Variants in TTC3 observed in about 807,000 individuals in gnomAD.
TTC3 encodes E3 ubiquitin-protein ligase TTC3.
Under a neutral mutation model 249.6 loss-of-function variants are expected in TTC3, and 180 were observed. The ratio of observed to expected loss-of-function variants is 0.72; its 90% CI spans 0.64 to 0.82. The LOEUF (loss-of-function observed/expected upper bound fraction) is 0.82, where lower values mean the gene tolerates loss of function less well. TTC3 is among the 40% of genes least tolerant of loss of function. The probability of loss-of-function intolerance (pLI) is 0.00; values close to 1 mark genes in which losing one functional copy is unlikely to be tolerated. For synonymous variants in TTC3, 717 were observed against 805.0 expected (o/e 0.89, Z 1.85); for missense variants, 2,061 against 2,398.4 (o/e 0.86, Z 2.94).
intron 35 of TTC3, among the ~76,000 whole-genome samples, chr21:37,179,108 TA>T (rs1285221834): frequency 2.0e-5 from 3 of 152,052 alleles, no homozygotes; most frequent in East Asian, 3.9e-4. Flanking sequence ...CCTCACTCGC[TA>T]CAAAAAAATT....
chr21:37,133,910 C>T (rs1305362099), intron 17 of TTC3, among the ~76,000 whole-genome samples: 2 of 151,958 alleles, frequency 1.3e-5, no homozygotes, highest in African/African-American at 2.4e-5. Flanking sequence ...TTTTAAGCCT[C>T]TCACTAGTTT....
intron 12 of TTC3, among the ~76,000 whole-genome samples, chr21:37,122,439 AT>A (rs1568979215): frequency 4.7e-4 from 11 of 23,300 alleles, no homozygotes; most frequent in African/African-American, 1.8e-3. Flanking sequence ...TATATATATT[AT>A]ATATATATAT....
In TTC3 at chr21:37,160,788, C is replaced by A. The variant is rs759631758; in HGVS notation, c.3040-14C>A. 2 of 1,610,898 alleles carry A rather than the reference C, an allele frequency of 1.2e-6. No individual in the cohort carries two copies. The highest frequency in any genetic ancestry group is 1.7e-6 in the Non-Finnish European group (2 of 1,178,832). ...TTATTTGAGTGTTCACTGATTTTTC[C>A]CCCCATTTTTTAGTTTAGTTCAACC... On this transcript the variant is annotated splice_polypyrimidine_tract_variant and intron_variant, in intron 29 of 45. Coordinates refer to ENST00000355666, the Ensembl canonical transcript of TTC3.
Position 37,088,037 on chromosome 21 carries a change from T to C in TTC3, c.188-159T>C. The C allele has an allele frequency of 5.3e-6, 5 of 950,076 alleles. No individual in the cohort carries two copies. The South Asian group carries it at 9.6e-5, about 18-fold the overall frequency. The allele number at this position is 950,076 out of a possible 1,614,324, so 58.9% of individuals were successfully genotyped here. A position where few individuals can be genotyped will look rare whatever the true frequency, so the allele number is the denominator to read the frequency against. Reference sequence around the variant, plus strand: ...ACTTTTCTTTGTTAAAATAGAGTTTTTGCCAGCACTTAAATATTCTTAACA... The same window carrying C: ...ACTTTTCTTTGTTAAAATAGAGTTTCTGCCAGCACTTAAATATTCTTAACA... On this transcript the variant is annotated intron_variant, in intron 3 of 45. Coordinates refer to ENST00000355666, the Ensembl canonical transcript of TTC3.
At chr21:37,136,449 G>C (rs758930680) in intron 18 of TTC3, among the ~76,000 whole-genome samples, 13 of 152,186 alleles carry the variant, frequency 8.5e-5, no homozygotes, top group Admixed American at 8.5e-4. Context: ...CTTTCTTGCC[G>C]ATGCAGAGAG....
chr21:37,107,233 A>G (rs2075171405), intron 10 of TTC3, among the ~76,000 whole-genome samples: 1 of 152,224 alleles, frequency 6.6e-6, no homozygotes, highest in South Asian at 2.1e-4. Context: ...TCTACGTTGA[A>G]AAAAGAAGGT....
intron 29 of TTC3, 94 bp from the exon 30 acceptor site, chr21:37,160,708 A>G (rs1417955792): frequency 7.9e-7 from 1 of 1,263,080 alleles, no homozygotes; most frequent in Non-Finnish European, 1.1e-6. Context: ...CATTTAACTT[A>G]TGGCTAGTCT....
chr21:37,103,821 A>G (rs1024103240), intron 10 of TTC3, among the ~76,000 whole-genome samples: 1 of 152,132 alleles, frequency 6.6e-6, no homozygotes, highest in Non-Finnish European at 1.5e-5. Context: ...GCCTGAATAC[A>G]GAGGAGAGGG....
chr21:37,086,420 A>G (rs954106168), intron 1 of TTC3: 1 of 149,054 alleles, frequency 6.7e-6, no homozygotes, highest in Non-Finnish European at 1.5e-5. Context: ...AACTATAAAA[A>G]TCCTTATTAT....
intron 16 of TTC3, among the ~76,000 whole-genome samples, chr21:37,130,620 T>C (rs1477180465): frequency 6.6e-6 from 1 of 152,216 alleles, no homozygotes; most frequent in Non-Finnish European, 1.5e-5. Flanking sequence ...GCTTGCTTTT[T>C]GTCTTTTACA....
chr21:37,124,624 A>G (rs774341601), exon 14 of TTC3: 1 of 1,610,974 alleles, frequency 6.2e-7, no homozygotes, highest in Non-Finnish European at 8.5e-7. Context: ...CTTAGGGCCT[A>G]CACACCTAGG....
intron 28 of TTC3, 189 bp downstream of exon 28, chr21:37,157,095 CA>C: frequency 7.3e-7 from 1 of 1,364,808 alleles, no homozygotes; most frequent in Non-Finnish European, 9.9e-7. Flanking sequence ...TTTACTTTAT[CA>C]GTTAAAGAGA....
chr21:37,158,074 A>T (rs757703633), intron 28 of TTC3: 13 of 968,078 alleles, frequency 1.3e-5, no homozygotes, highest in Non-Finnish European at 1.6e-5. Context: ...CTTACTTTTG[A>T]CAACAAAAGT....
At chr21:37,075,158 G>A (rs1032664469) in intron 1 of TTC3, among the ~76,000 whole-genome samples, 5 of 130,782 alleles carry the variant, frequency 3.8e-5, no homozygotes, top group African/African-American at 1.3e-4. Context: ...ATGCCTTTTT[G>A]CAACTTGCTT....
chr21:37,191,344 G>A, exon 40 of TTC3: 2 of 1,581,794 alleles, frequency 1.3e-6, no homozygotes, highest in Non-Finnish European at 1.7e-6. Context: ...TGATCCTGCA[G>A]CATATCCTGA....
At chr21:37,125,354 C>T (rs1194329135) in intron 14 of TTC3, among the ~76,000 whole-genome samples, 2 of 152,234 alleles carry the variant, frequency 1.3e-5, no homozygotes, top group African/African-American at 4.8e-5. Context: ...TCCTCACTAA[C>T]ATTTTTCTTA....
intron 35 of TTC3, among the ~76,000 whole-genome samples, chr21:37,179,074 C>T (rs978381848): frequency 3.9e-5 from 6 of 152,038 alleles, no homozygotes; most frequent in Non-Finnish European, 7.4e-5. Context: ...TAGTTCAAGA[C>T]CAGCCAGGGC....
intron 23 of TTC3, 70 bp downstream of exon 23, chr21:37,148,717 C>A: frequency 1.0e-6 from 1 of 972,026 alleles, no homozygotes; most frequent in South Asian, 2.0e-5. Flanking sequence ...CCCAAGAATT[C>A]CTTCCTGAAC....
intron 1 of TTC3, among the ~76,000 whole-genome samples, chr21:37,080,823 C>A (rs901376490): frequency 2.0e-5 from 3 of 150,774 alleles, no homozygotes; most frequent in Non-Finnish European, 3.0e-5. Context: ...TTTTAGTGTC[C>A]TTACATTTTA....
Sources: gnomAD v4.1 joint callset for allele counts (sites outside exome capture counted in the v4.1 genomes callset) on GRCh38, gnomAD v4.1.1 for gene constraint, MANE v1.5 for transcripts, NCBI Gene and HGNC (gene_info 2026-07-23, HGNC 2026-07-21) for gene names.